GRK6: variants seen among roughly 807,000 people sequenced by gnomAD.
The protein encoded by GRK6 is G protein-coupled receptor kinase 6.
A neutral mutation model predicts 80.8 loss-of-function variants in GRK6; 37 were observed. The ratio of observed to expected loss-of-function variants is 0.46; its 90% CI spans 0.35 to 0.60. GRK6 has a LOEUF of 0.60. Among genes scored for constraint, GRK6 ranks in the 20% least tolerant of loss-of-function variants. The pLI is 0.00. For synonymous variants in GRK6, 295 were observed against 320.9 expected (o/e 0.92, Z 0.86); for missense variants, 560 against 784.6 (o/e 0.71, Z 3.42).
intron 8 of GRK6, 46 bp downstream of exon 8, chr5:177,433,722 CACCG>C: frequency 6.2e-7 from 1 of 1,604,080 alleles, no homozygotes; most frequent in Non-Finnish European, 8.5e-7. Context: ...CACACTGGCG[CACCG>C]ACCGTCCCCA....
At position 177,441,030 on chromosome 5, in the gene GRK6, C is replaced by T; in HGVS notation, c.1654C>T (p.Leu552=). Residue 552 remains leucine (L), a synonymous_variant, in exon 15 of 16, where the codon CTG becomes TTG. Transcript: ENST00000355472. ...QPPAPPKKGL[L]QRLFSRQDCC... is the part of the protein sequence containing the mutation. ...ACCTGCACCTCCTAAAAAGGGACTG[C>T]TGCAGAGACTCTTCAGTCGCCAAGT... is the stretch of plus-strand genomic sequence containing the variant. The T allele has an allele frequency of 6.2e-7, 1 of 1,613,960 alleles. No individual in the cohort carries two copies. Among genetic ancestry groups the T allele is most frequent in the Non-Finnish European group, 8.5e-7 (1 of 1,179,962 alleles).
intron 7 of GRK6, 36 bp downstream of exon 7, chr5:177,433,446 T>G (rs1764000798): frequency 1.2e-6 from 2 of 1,611,350 alleles, no homozygotes; most frequent in Non-Finnish European, 1.7e-6. Context: ...GGAGAGTGAA[T>G]AGGGTGGGTG....
chr5:177,426,758 G>C lies in GRK6; in HGVS notation c.-88G>C. 1 of 691,670 alleles carries C rather than the reference G, an allele frequency of 1.4e-6. No homozygotes were observed. Among genetic ancestry groups the C allele is most frequent in the Non-Finnish European group, 1.8e-6 (1 of 562,876 alleles). 42.8% of individuals were successfully genotyped at this position (691,670 alleles called of 1,614,324 possible). A position where few individuals can be genotyped will look rare whatever the true frequency, so the allele number is the denominator to read the frequency against. Reference sequence around the variant, plus strand: ...ACTGCGAGCCGAGCCGAGCCGCGCCGAGCCGCGCCGATCGCCATCCGGCCT... The same window carrying C: ...ACTGCGAGCCGAGCCGAGCCGCGCCCAGCCGCGCCGATCGCCATCCGGCCT... On this transcript the variant is annotated 5_prime_UTR_variant, in exon 1 of 16. Transcript: ENST00000355472.
chr5:177,441,311 C>A, intron 15 of GRK6: 1 of 1,548,386 alleles, frequency 6.5e-7, no homozygotes, highest in South Asian at 1.2e-5. Flanking sequence ...ACGGGCAGCC[C>A]TTCCATGGCA....
At chr5:177,439,690 C>T (rs1050012881) in intron 13 of GRK6, among the ~76,000 whole-genome samples, 5 of 152,026 alleles carry the variant, frequency 3.3e-5, no homozygotes, top group South Asian at 2.1e-4. Flanking sequence ...GCTTCCCTCC[C>T]GCTGCTCCTA....
At chr5:177,432,200 AG>A in intron 3 of GRK6, 32 bp from the exon 4 acceptor site, 1 of 1,613,382 alleles carries the variant, frequency 6.2e-7, no homozygotes, top group South Asian at 1.1e-5. Flanking sequence ...TGCCCTGCCC[AG>A]ACCTCCAGCT....
Position 177,433,237 on chromosome 5 carries a change from A to G in GRK6, c.531A>G (p.Glu177=). Residue 177 remains glutamate, a splice_region_variant and synonymous_variant, in exon 6 of 16, where the codon GAA becomes GAG. Coordinates refer to ENST00000355472, the MANE Select transcript of GRK6 (RefSeq NM_001004106.3). Reference sequence around the variant, plus strand: ...GTTTCCTGCAGTGGAAGTGGCTGGAAAGGTGAGCTCCCTGAAGGCTGGGCC... The same window carrying G: ...GTTTCCTGCAGTGGAAGTGGCTGGAGAGGTGAGCTCCCTGAAGGCTGGGCC... ...FNRFLQWKWL[E]RQPVTKNTFR... The G allele has an allele frequency of 6.2e-7, 1 of 1,614,092 alleles. No individual in the cohort carries two copies. The highest frequency in any genetic ancestry group is 8.5e-7 in the Non-Finnish European group (1 of 1,179,996).
At chr5:177,433,455 T>C (rs1184781089) in intron 7 of GRK6, 45 bp downstream of exon 7, 1 of 1,610,048 alleles carries the variant, frequency 6.2e-7, no homozygotes, top group Non-Finnish European at 8.5e-7. Context: ...ATAGGGTGGG[T>C]GTGTTGGGAC....
intron 15 of GRK6, chr5:177,441,356 G>T: frequency 1.4e-6 from 2 of 1,396,936 alleles, no homozygotes; most frequent in South Asian, 1.3e-5. Flanking sequence ...TCTGGTGCCC[G>T]CCCCACTCCC....
Position 177,428,040 on chromosome 5 carries a change from CCCA to C in GRK6, c.52+1147_52+1149del, listed in dbSNP as rs2127369023. On this transcript the variant is annotated intron_variant, in intron 1 of 15. Coordinates refer to ENST00000355472, the MANE Select transcript of GRK6 (RefSeq NM_001004106.3). This position sits in a 1 kb window ranked among gnomAD's most constrained non-coding sequence, Gnocchi z 4.1. Reference sequence around the variant, plus strand: ...TGGGTGCTACACCTGGCACCCCGTGCCCACCAAGTGCTCTGGCGAGGTGCAGCC... The same window carrying C: ...TGGGTGCTACACCTGGCACCCCGTGCCCAAGTGCTCTGGCGAGGTGCAGCC... Among the ~76,000 whole-genome samples the C allele has an allele frequency of 6.6e-6, 1 of 152,354 alleles. No homozygotes were observed. The highest frequency in any genetic ancestry group is 2.1e-4 in the South Asian group (1 of 4,832).
At position 177,441,801 on chromosome 5, in the gene GRK6, G is replaced by T. The variant is rs1307389042; in HGVS notation, c.*11G>T. The stretch of plus-strand genomic sequence containing the variant: ...CCCACCCGCCTCTAGCCCCCAGCCC[G>T]AGGCCCCCACCAGCAGTTGGCGGTA... On this transcript the variant is annotated 3_prime_UTR_variant, in exon 16 of 16. Coordinates refer to ENST00000355472, the MANE Select transcript of GRK6 (RefSeq NM_001004106.3). 6.2e-7 allele frequency: 1 copy of T among 1,610,458 alleles called. No individual in the cohort carries two copies. Among genetic ancestry groups the T allele is most frequent in the African/African-American group, 1.3e-5 (1 of 74,858 alleles).
Position 177,441,767 on chromosome 5 carries a change from G to A in GRK6, c.1708G>A (p.Glu570Lys), listed in dbSNP as rs370944775. 1 of 1,612,918 alleles carries A rather than the reference G, an allele frequency of 6.2e-7. No homozygotes were observed. Among genetic ancestry groups the A allele is most frequent in the Non-Finnish European group, 8.5e-7 (1 of 1,179,572 alleles). Residue 570 changes from glutamate to lysine, a missense_variant, in exon 16 of 16, where the codon GAA (glutamate) becomes AAA (lysine). Around this residue, in one of 3 missense-constraint regions of GRK6, gnomAD observed 294 missense variants for 397.4 expected, o/e 0.74. Coordinates refer to ENST00000355472, the MANE Select transcript of GRK6 (RefSeq NM_001004106.3). The part of the protein sequence containing the change: ...DCCGNCSDSE[E>K]ELPTRL Reference sequence around the variant, plus strand: ...CTGTGGAAACTGCAGCGACAGCGAGGAAGAGCTCCCCACCCGCCTCTAGCC... The same window carrying A: ...CTGTGGAAACTGCAGCGACAGCGAGAAAGAGCTCCCCACCCGCCTCTAGCC...
At chr5:177,441,662 CA>C in intron 15 of GRK6, 74 bp from the exon 16 acceptor site, 2 of 1,239,182 alleles carry the variant, frequency 1.6e-6, no homozygotes, top group Non-Finnish European at 2.4e-6. Context: ...GGGTCGGCCC[CA>C]TGTGACGTCC....
chr5:177,436,173 G>T lies in GRK6; in HGVS notation c.1158G>T (p.Gln386His). 6.2e-7 allele frequency: 1 copy of T among 1,614,194 alleles called. No homozygotes were observed. Among genetic ancestry groups the T allele is most frequent in the East Asian group, 2.2e-5 (1 of 44,886 alleles). Residue 386 changes from glutamine (Q) to histidine (H), a missense_variant, in exon 12 of 16, where the codon CAG becomes CAT. This residue lies in a region of GRK6 where 294 missense variants were observed against 397.4 expected (regional missense o/e 0.74). Coordinates refer to ENST00000355472, the MANE Select transcript of GRK6 (RefSeq NM_001004106.3). ...TGATCGCAGGCCAGTCGCCCTTCCAGCAGAGGAAGAAGAAGATCAAGCGGG... is the reference window on the plus strand; with the variant it reads ...TGATCGCAGGCCAGTCGCCCTTCCATCAGAGGAAGAAGAAGATCAAGCGGG... The part of the protein sequence containing the change: ...YEMIAGQSPF[Q>H]QRKKKIKREE...
chr5:177,433,199 A>G lies in GRK6; in HGVS notation c.493A>G (p.Ile165Val), dbSNP rs762636724. ...VAPFADYLDS[I>V]YFNRFLQWKW... The stretch of plus-strand genomic sequence containing the variant: ...CCCTTTTGCCGACTACCTCGACAGC[A>G]TCTACTTCAACCGTTTCCTGCAGTG... The change falls in exon 6 of 16, where the codon ATC (isoleucine) becomes GTC (valine). Residue 165 changes from isoleucine to valine, a missense_variant. By Grantham distance (29) the Ile-to-Val change is conservative (BLOSUM62 3). This residue lies in a region of GRK6 where 77 missense variants were observed against 156.9 expected (regional missense o/e 0.49). Transcript: ENST00000355472. The G allele has an allele frequency of 6.4e-5, 103 of 1,614,028 alleles. No individual in the cohort carries two copies. The highest frequency in any genetic ancestry group is 5.9e-5 in the Non-Finnish European group (70 of 1,180,026).
chr5:177,426,891 C>G lies in GRK6; in HGVS notation c.46C>G (p.Arg16Gly). ...AGCGAACACGGTGCTACTCAAGGCC[C>G]GGGAAGGTGAGGCGGCCGGGTGGGC... ...IVANTVLLKA[R>G]EGGGGNRKGK... The change falls in exon 1 of 16, where the codon CGG becomes GGG. Residue 16 changes from arginine (R) to glycine (G), a missense_variant. Physicochemically the swap from Arg to Gly is moderately radical, Grantham distance 125. This residue lies in a region of GRK6 where 189 missense variants were observed against 230.2 expected (regional missense o/e 0.82). Coordinates refer to ENST00000355472, the MANE Select transcript of GRK6 (RefSeq NM_001004106.3). 2.1e-6 allele frequency: 3 copies of G among 1,395,718 alleles called. No individual in the cohort carries two copies. The highest frequency in any genetic ancestry group is 2.8e-6 in the Non-Finnish European group (3 of 1,068,204). The allele number at this position is 1,395,718 out of a possible 1,614,324, so 86.5% of individuals were successfully genotyped here.
chr5:177,431,635 T>C lies in GRK6; in HGVS notation c.149-360T>C, dbSNP rs55685230. The C allele has an allele frequency of 7.8e-3, 2,212 of 284,502 alleles. 50 individuals are homozygous for C. The highest frequency in any genetic ancestry group is 0.045 in the African/African-American group (1,987 of 43,932). 17.6% of individuals were successfully genotyped at this position (284,502 alleles called of 1,614,324 possible). A position where few individuals can be genotyped will look rare whatever the true frequency, so the allele number is the denominator to read the frequency against. On this transcript the variant is annotated intron_variant, in intron 2 of 15. Transcript: ENST00000355472. ...ACTTTCGCCAGGCAGGCAGCAGGTG[T>C]GGGCCTGGCCCCGGCTGGGCTGGGC...
In GRK6 at chr5:177,434,084, C is replaced by G; in HGVS notation, c.909C>G (p.His303Gln). The change falls in exon 9 of 16, where the codon CAC (histidine) becomes CAG (glutamine). Residue 303 changes from histidine to glutamine, a missense_variant. By Grantham distance (24) the His-to-Gln change is conservative. Coordinates refer to ENST00000355472, the MANE Select transcript of GRK6 (RefSeq NM_001004106.3). ...AEICCGLEDL[H>Q]RERIVYRDLK... ...TCTGCTGTGGCCTGGAGGACCTGCA[C>G]CGGGAGCGCATCGTGTACAGGTGGG... 1.3e-6 allele frequency: 2 copies of G among 1,594,014 alleles called. No homozygotes were observed. The highest frequency in any genetic ancestry group is 1.7e-6 in the Non-Finnish European group (2 of 1,170,986).
rs369002736 is a variant in GRK6, at chr5:177,433,336, C to T, written c.534-11C>T. 1 of 1,614,012 alleles carries T rather than the reference C, an allele frequency of 6.2e-7. No individual in the cohort carries two copies. Among genetic ancestry groups the T allele is most frequent in the South Asian group, 1.1e-5 (1 of 91,074 alleles). Reference sequence around the variant, plus strand: ...CTCAGCCAGCGTTTGCTTCCCCACCCCTTGCCACAGGCAGCCAGTGACCAA... The same window carrying T: ...CTCAGCCAGCGTTTGCTTCCCCACCTCTTGCCACAGGCAGCCAGTGACCAA... On this transcript the variant is annotated splice_polypyrimidine_tract_variant and intron_variant, in intron 6 of 15. Transcript: ENST00000355472.
Sources: gnomAD v4.1 joint callset for allele counts (sites outside exome capture counted in the v4.1 genomes callset) on GRCh38, gnomAD v4.1.1 for gene constraint, gnomAD v4.1.1 regional missense constraint, Gnocchi (gnomAD v3.1) non-coding constraint, MANE v1.5 for transcripts, NCBI Gene and HGNC (gene_info 2026-07-23, HGNC 2026-07-21) for gene names.